Variants in HMGN5 observed in about 807,000 individuals in gnomAD.
The protein encoded by HMGN5 is high mobility group nucleosome binding domain 5.
HMGN5 carries 4 observed loss-of-function variants against 9.5 expected under a neutral mutation model. That is an observed-to-expected ratio of 0.42 (90% CI 0.21 to 0.96). The LOEUF (loss-of-function observed/expected upper bound fraction) is 0.96, where lower values mean the gene tolerates loss of function less well. HMGN5 is among the 40% of genes least tolerant of loss of function. The pLI is 0.30. For synonymous variants in HMGN5, 55 were observed against 57.1 expected, an observed-to-expected ratio of 0.96 and a Z score of 0.16; for missense variants, 192 against 187.5, an observed-to-expected ratio of 1.02 and a Z score of -0.14.
At chrX:81,157,946 C>CT (rs915782960) in intron 1 of HMGN5, among the ~76,000 whole-genome samples, 17 of 109,991 alleles carry the variant, frequency 1.5e-4, no homozygotes, top group East Asian at 2.9e-4. Flanking sequence ...TGCCCGGCTA[C>CT]TTTTTTTGTA....
intron 5 of HMGN5, among the ~76,000 whole-genome samples, chrX:81,117,835 C>T (rs913782350): frequency 9.1e-6 from 1 of 110,219 alleles, no homozygotes; most frequent in African/African-American, 3.3e-5. Context: ...TAGCTTTAAC[C>T]TTTTATGATT....
At chrX:81,118,386 G>GA (rs202232094) in intron 5 of HMGN5, 46 bp downstream of exon 5, 945 of 853,277 alleles carry the variant, frequency 1.1e-3, no homozygotes, top group Non-Finnish European at 1.3e-3. Context: ...AATTATTTTT[G>GA]AAAAAAAAAG....
At chrX:81,137,677 G>A (rs183238179) in intron 1 of HMGN5, among the ~76,000 whole-genome samples, 1,269 of 111,295 alleles carry the variant, frequency 0.011, 18 homozygotes, top group African/African-American at 0.039. Flanking sequence ...AAAGCATGCA[G>A]AAAGATTATG....
At chrX:81,153,975 A>T (rs910926045) in intron 1 of HMGN5, among the ~76,000 whole-genome samples, 3 of 108,956 alleles carry the variant, frequency 2.8e-5, no homozygotes, top group Non-Finnish European at 5.7e-5. Context: ...TGCAACCCCT[A>T]TCAAAATACC....
chrX:81,166,522 T>C (rs924543542), intron 1 of HMGN5, among the ~76,000 whole-genome samples: 1 of 111,688 alleles, frequency 9.0e-6, no homozygotes, highest in Non-Finnish European at 1.9e-5. Context: ...TAAGAGTTGA[T>C]AAAGATGAAT....
At chrX:81,191,379 C>A (rs1345860050) in intron 1 of HMGN5, among the ~76,000 whole-genome samples, 7 of 111,940 alleles carry the variant, frequency 6.3e-5, no homozygotes. Flanking sequence ...TAATATTTCA[C>A]CACTAAGTAT....
intron 1 of HMGN5, among the ~76,000 whole-genome samples, chrX:81,174,675 G>C (rs944501891): frequency 1.8e-5 from 2 of 111,115 alleles, no homozygotes; most frequent in East Asian, 5.6e-4. Flanking sequence ...ATCAAATAAG[G>C]ATAATAATAC....
intron 1 of HMGN5, among the ~76,000 whole-genome samples, chrX:81,155,270 T>C (rs992085127): frequency 9.6e-6 from 1 of 104,531 alleles, no homozygotes; most frequent in African/African-American, 3.4e-5. Flanking sequence ...TATTATAATT[T>C]ATATAATTAT....
At chrX:81,189,442 T>C (rs1020544454) in intron 1 of HMGN5, among the ~76,000 whole-genome samples, 1 of 112,268 alleles carries the variant, frequency 8.9e-6, no homozygotes, top group Non-Finnish European at 1.9e-5. Flanking sequence ...TATCCATAGT[T>C]TTGCCTTTTC....
At chrX:81,148,429 T>G (rs2075351481) in intron 1 of HMGN5, among the ~76,000 whole-genome samples, 1 of 112,201 alleles carries the variant, frequency 8.9e-6, no homozygotes, top group Non-Finnish European at 1.9e-5. Flanking sequence ...GCTAGCCATA[T>G]GCAGAAAGCT....
intron 1 of HMGN5, among the ~76,000 whole-genome samples, chrX:81,134,955 T>C (rs1312194836): frequency 9.0e-6 from 1 of 111,504 alleles, no homozygotes; most frequent in Non-Finnish European, 1.9e-5. Flanking sequence ...CTTCACATCA[T>C]ACACACAAAA....
At chrX:81,151,423 C>T (rs1383674275) in intron 1 of HMGN5, among the ~76,000 whole-genome samples, 2 of 110,896 alleles carry the variant, frequency 1.8e-5, no homozygotes, top group Admixed American at 1.9e-4. Flanking sequence ...ATTGACTTGG[C>T]GATGTAGGCT....
chrX:81,178,975 G>A (rs2075451738), intron 1 of HMGN5, among the ~76,000 whole-genome samples: 2 of 111,633 alleles, frequency 1.8e-5, no homozygotes, highest in Non-Finnish European at 3.8e-5. Flanking sequence ...AATAGATGCA[G>A]AAAAGGCCTT....
intron 1 of HMGN5, among the ~76,000 whole-genome samples, chrX:81,141,383 T>C (rs1348631553): frequency 9.0e-6 from 1 of 110,651 alleles, no homozygotes; most frequent in African/African-American, 3.3e-5. Context: ...TGGCTACAAG[T>C]CTGACCCAGC....
chrX:81,133,647 A>G (rs1199437456), intron 1 of HMGN5, among the ~76,000 whole-genome samples: 1 of 111,344 alleles, frequency 9.0e-6, no homozygotes, highest in Non-Finnish European at 1.9e-5. Flanking sequence ...TATACGTGGG[A>G]GCTAAATGAT....
At chrX:81,182,768 T>A (rs758920628) in intron 1 of HMGN5, among the ~76,000 whole-genome samples, 2 of 112,398 alleles carry the variant, frequency 1.8e-5, no homozygotes, top group East Asian at 5.6e-4. Context: ...TCTCAGGTAT[T>A]CTTTATAGCA....
At chrX:81,178,996 C>G (rs1428322487) in intron 1 of HMGN5, among the ~76,000 whole-genome samples, 1 of 111,816 alleles carries the variant, frequency 8.9e-6, no homozygotes, top group Non-Finnish European at 1.9e-5. Flanking sequence ...CGACAAAATT[C>G]AACAGCTCTT....
chrX:81,200,305 TC>T (rs1364745079), intron 1 of HMGN5, among the ~76,000 whole-genome samples: 1 of 111,843 alleles, frequency 8.9e-6, no homozygotes, highest in Non-Finnish European at 1.9e-5. Context: ...AGTGTGGCGA[TC>T]CCCCAAGGAT....
At chrX:81,166,252 T>C (rs1002549643) in intron 1 of HMGN5, among the ~76,000 whole-genome samples, 1 of 111,582 alleles carries the variant, frequency 9.0e-6, no homozygotes, top group African/African-American at 3.3e-5. Flanking sequence ...AATTGACTAA[T>C]GGGATTATTA....
Sources: gnomAD v4.1 joint callset for allele counts (sites outside exome capture counted in the v4.1 genomes callset) on GRCh38, gnomAD v4.1.1 for gene constraint, MANE v1.5 for transcripts, NCBI Gene and HGNC (gene_info 2026-07-23, HGNC 2026-07-21) for gene names.